Variants in NCAM2 observed in about 807,000 individuals in gnomAD.
NCAM2 encodes the protein N-CAM-2.
A neutral mutation model predicts 98.1 loss-of-function variants in NCAM2; 30 were observed. The observed-to-expected ratio is 0.31, with a 90% CI of 0.23 to 0.41. The LOEUF (loss-of-function observed/expected upper bound fraction) is 0.41. NCAM2 is among the 10% of genes least tolerant of loss of function. The probability of loss-of-function intolerance (pLI) is 1.00; values close to 1 mark genes in which losing one functional copy is unlikely to be tolerated. For missense variants in NCAM2, 867 were observed against 1,005.8 expected (o/e 0.86, Z 1.87); for synonymous variants, 368 against 342.4 (o/e 1.07, Z -0.83).
intron 14 of NCAM2, among the ~76,000 whole-genome samples, chr21:21,476,509 C>T (rs1373486357): frequency 1.3e-5 from 2 of 151,988 alleles, no homozygotes; most frequent in African/African-American, 4.8e-5. Context: ...ATTTTTAATA[C>T]ATGGCACAAC....
intron 8 of NCAM2, among the ~76,000 whole-genome samples, chr21:21,364,765 A>C (rs145341142): frequency 6.6e-6 from 1 of 152,254 alleles, no homozygotes; most frequent in Non-Finnish European, 1.5e-5. Flanking sequence ...CTATAACATA[A>C]GAAATCTCAT....
chr21:21,049,366 T>G (rs2065061949), intron 1 of NCAM2, among the ~76,000 whole-genome samples: 1 of 152,272 alleles, frequency 6.6e-6, no homozygotes, highest in African/African-American at 2.4e-5. Context: ...AATTCTAACA[T>G]AATTTTTCAT....
intron 6 of NCAM2, among the ~76,000 whole-genome samples, chr21:21,324,727 A>G (rs1408384479): frequency 6.6e-6 from 1 of 152,136 alleles, no homozygotes; most frequent in African/African-American, 2.4e-5. Flanking sequence ...TACCCATTAT[A>G]CTTATTCTGT....
intron 10 of NCAM2, among the ~76,000 whole-genome samples, chr21:21,413,159 C>A (rs1437047286): frequency 6.6e-6 from 1 of 151,970 alleles, no homozygotes; most frequent in African/African-American, 2.4e-5. Flanking sequence ...TTTTAACTGA[C>A]CACATCCTGA....
At chr21:21,087,970 C>A (rs1038985078) in intron 1 of NCAM2, among the ~76,000 whole-genome samples, 1 of 152,130 alleles carries the variant, frequency 6.6e-6, no homozygotes, top group Admixed American at 6.5e-5. Context: ...CTGAATATCA[C>A]CATTCAAATA....
chr21:21,335,612 G>C lies in NCAM2; in HGVS notation c.845G>C (p.Arg282Thr). 3 of 1,611,074 alleles carry C rather than the reference G, an allele frequency of 1.9e-6. No homozygotes were observed. In the South Asian group the frequency reaches 3.3e-5, roughly 18 times the overall value. The part of the protein sequence containing the change: ...INSDGGPYVC[R>T]ATNKAGEDEK... Reference sequence around the variant, plus strand: ...AGTGATGGTGGTCCTTATGTCTGCAGGGCCACAAATAAGGCAGGAGAAGAT... The same window carrying C: ...AGTGATGGTGGTCCTTATGTCTGCACGGCCACAAATAAGGCAGGAGAAGAT... The change falls in exon 7 of 18, where the codon AGG becomes ACG. Residue 282 changes from arginine (R) to threonine (T), a missense_variant. Transcript: ENST00000400546.
At chr21:21,163,384 A>G (rs2067850451) in intron 1 of NCAM2, among the ~76,000 whole-genome samples, 1 of 152,164 alleles carries the variant, frequency 6.6e-6, no homozygotes, top group Non-Finnish European at 1.5e-5. Flanking sequence ...TATCCAGAGT[A>G]CAGCTAGTTT....
At chr21:21,380,286 C>T (rs2076125374) in intron 9 of NCAM2, among the ~76,000 whole-genome samples, 1 of 152,148 alleles carries the variant, frequency 6.6e-6, no homozygotes, top group Non-Finnish European at 1.5e-5. Flanking sequence ...GTATTAAAAT[C>T]TTCTACCATG....
chr21:21,227,439 T>A (rs2070432755), intron 1 of NCAM2, among the ~76,000 whole-genome samples: 1 of 151,696 alleles, frequency 6.6e-6, no homozygotes, highest in South Asian at 2.1e-4. Flanking sequence ...GAAAACGTAG[T>A]CAAAACCCCA....
intron 1 of NCAM2, among the ~76,000 whole-genome samples, chr21:21,156,224 T>C (rs1174551144): frequency 2.0e-5 from 3 of 152,038 alleles, no homozygotes; most frequent in Non-Finnish European, 4.4e-5. Flanking sequence ...AATGAAGCAT[T>C]TTTTGTTTCT....
chr21:21,409,399 G>A (rs1025334993), intron 9 of NCAM2, among the ~76,000 whole-genome samples: 6 of 152,044 alleles, frequency 3.9e-5, no homozygotes, highest in African/African-American at 1.4e-4. Context: ...AATTATTGTT[G>A]ATTAATTTAT....
intron 6 of NCAM2, among the ~76,000 whole-genome samples, chr21:21,331,099 C>G (rs1359065368): frequency 6.6e-6 from 1 of 151,976 alleles, no homozygotes; most frequent in Non-Finnish European, 1.5e-5. Flanking sequence ...CTCACCTACC[C>G]TCTGTATCAT....
At chr21:21,091,658 A>G (rs1292183559) in intron 1 of NCAM2, among the ~76,000 whole-genome samples, 1 of 152,170 alleles carries the variant, frequency 6.6e-6, no homozygotes, top group African/African-American at 2.4e-5. Context: ...GAGGATAACA[A>G]ATATGATTCC....
intron 1 of NCAM2, among the ~76,000 whole-genome samples, chr21:21,052,200 C>T (rs2065125367): frequency 7.2e-6 from 1 of 139,696 alleles, no homozygotes; most frequent in South Asian, 2.2e-4. Flanking sequence ...CTCTGTCGCC[C>T]AGGCTGGAGT....
chr21:21,496,437 T>A (rs761807741), intron 15 of NCAM2, among the ~76,000 whole-genome samples: 12 of 152,090 alleles, frequency 7.9e-5, no homozygotes, highest in Non-Finnish European at 1.2e-4. Context: ...TCTGTCCATG[T>A]CCTTTGCGTA....
chr21:21,316,920 C>G (rs1027864127), intron 5 of NCAM2, among the ~76,000 whole-genome samples: 5 of 152,150 alleles, frequency 3.3e-5, no homozygotes, highest in African/African-American at 1.2e-4. Flanking sequence ...ACATAAACCC[C>G]CCGGTGCCAA....
chr21:21,032,114 A>G (rs1444365025), intron 1 of NCAM2, among the ~76,000 whole-genome samples: 1 of 152,192 alleles, frequency 6.6e-6, no homozygotes, highest in Non-Finnish European at 1.5e-5. Flanking sequence ...AGGAAAAGAA[A>G]TCTAGCTGTT....
At chr21:21,199,302 G>A in intron 1 of NCAM2, among the ~76,000 whole-genome samples, 1 of 152,138 alleles carries the variant, frequency 6.6e-6, no homozygotes, top group East Asian at 1.9e-4. Flanking sequence ...CAGAGATTTT[G>A]AAATGCCTGG....
intron 1 of NCAM2, among the ~76,000 whole-genome samples, chr21:21,120,179 G>A (rs1314801086): frequency 1.3e-5 from 2 of 152,112 alleles, no homozygotes; most frequent in East Asian, 3.9e-4. Context: ...TTAGGTAGAA[G>A]GATAATGCAT....
Sources: allele counts gnomAD v4.1 joint callset (sites outside exome capture counted in the v4.1 genomes callset), GRCh38; gene constraint gnomAD v4.1.1; transcripts MANE v1.5; gene names NCBI Gene and HGNC (gene_info 2026-07-23, HGNC 2026-07-21).